The following CD34 variants were observed in gnomAD, a reference collection of about 807,000 sequenced individuals.
CD34 encodes the protein hematopoietic progenitor cell antigen CD34.
A neutral mutation model predicts 40.1 loss-of-function variants in CD34; 34 were observed. The ratio of observed to expected loss-of-function variants is 0.85; its 90% CI spans 0.65 to 1.13. The LOEUF is 1.13. Among genes scored for constraint, CD34 ranks in the 50% most tolerant of loss-of-function variants. CD34 has a pLI of 0.00. For missense variants in CD34, 426 were observed against 466.9 expected (o/e 0.91, Z 0.81); for synonymous variants, 209 against 190.0 (o/e 1.10, Z -0.82).
At chr1:207,893,396 T>C (rs184224094) in intron 4 of CD34, among the ~76,000 whole-genome samples, 4 of 152,272 alleles carry the variant, frequency 2.6e-5, no homozygotes, top group Admixed American at 2.0e-4. Flanking sequence ...CCCCTTTTAA[T>C]ATAATTTTAT....
chr1:207,898,031 T>TTTATTTA (rs1662186588), intron 3 of CD34, among the ~76,000 whole-genome samples: 3 of 143,378 alleles, frequency 2.1e-5, no homozygotes, highest in Admixed American at 6.9e-5. Flanking sequence ...ATTTTGGCTC[T>TTTATTTA]TTTATTTATT....
At position 207,903,417 on chromosome 1, in the gene CD34, G is replaced by A. The variant is rs112799180; in HGVS notation, c.80-3414C>T. On this transcript the variant is annotated intron_variant, in intron 1 of 7. Coordinates refer to ENST00000310833, the MANE Select transcript of CD34 (RefSeq NM_001025109.2). ...CTTTTTCATTCTAGATGGGAGGAAC[G>A]GTCCCTACCCACAAGGCTACAAGAA... 6.4e-4 allele frequency among the ~76,000 whole-genome samples: 97 copies of A among 152,180 alleles called. 1 individual carries two copies. Among genetic ancestry groups the A allele is most frequent in the African/African-American group, 1.9e-3 (80 of 41,520 alleles).
At chr1:207,889,781 A>G (rs1055650920) in intron 4 of CD34, 160 bp from the exon 5 acceptor site, 1 of 1,582,484 alleles carries the variant, frequency 6.3e-7, no homozygotes, top group South Asian at 1.2e-5. Flanking sequence ...CTAACTGTAT[A>G]TGTGCAACAA....
At chr1:207,902,704 C>A (rs1662297445) in intron 1 of CD34, among the ~76,000 whole-genome samples, 1 of 152,220 alleles carries the variant, frequency 6.6e-6, no homozygotes, top group African/African-American at 2.4e-5. Flanking sequence ...TGATGTCATG[C>A]TTTTGAATCC....
At chr1:207,908,539 G>C (rs907786493) in intron 1 of CD34, among the ~76,000 whole-genome samples, 11 of 152,220 alleles carry the variant, frequency 7.2e-5, no homozygotes, top group Admixed American at 3.3e-4. Context: ...TGGGTGTGGG[G>C]TCAGCAGGCA....
At position 207,884,617 on chromosome 1, in the gene CD34, G is replaced by A. The variant is rs1661863383; in HGVS notation, c.*3121C>T. ...AAGTGTGGGATTAATCTACCTAGAA[G>A]GGATGAGATGGAAGTGATCTATTTA... On this transcript the variant is annotated 3_prime_UTR_variant, in exon 8 of 8. Coordinates refer to ENST00000310833, the MANE Select transcript of CD34 (RefSeq NM_001025109.2). The A allele has an allele frequency of 6.6e-6, 1 of 152,232 alleles. No individual in the cohort carries two copies. Among genetic ancestry groups the A allele is most frequent in the Admixed American group, 6.5e-5 (1 of 15,286 alleles). 9.4% of individuals were successfully genotyped at this position (152,232 alleles called of 1,614,324 possible).
intron 1 of CD34, among the ~76,000 whole-genome samples, chr1:207,909,699 G>A (rs191940393): frequency 1.3e-5 from 2 of 152,328 alleles, no homozygotes; most frequent in East Asian, 1.9e-4. Context: ...GAGCCACTGC[G>A]CCCGGCCGAC....
In CD34 at chr1:207,882,082, A is replaced by T. The variant is rs998973798; in HGVS notation, c.*5656T>A. 6.6e-6 allele frequency: 1 copy of T among 152,220 alleles called. No individual in the cohort carries two copies. The highest frequency in any genetic ancestry group is 2.4e-5 in the African/African-American group (1 of 41,440). 9.4% of individuals were successfully genotyped at this position (152,220 alleles called of 1,614,324 possible). On this transcript the variant is annotated 3_prime_UTR_variant, in exon 8 of 8. Transcript: ENST00000310833. The stretch of plus-strand genomic sequence containing the variant: ...GTTCCAGACAAGATGGAGTGGACAC[A>T]CTTTTTCTTATGCCTCCTGTTAACT...
chr1:207,883,733 C>T lies in CD34; in HGVS notation c.*4005G>A, dbSNP rs1192419587. 1 of 152,186 alleles carries T rather than the reference C, an allele frequency of 6.6e-6. No individual in the cohort carries two copies. The highest frequency in any genetic ancestry group is 2.4e-5 in the African/African-American group (1 of 41,444). The allele number at this position is 152,186 out of a possible 1,614,324, so 9.4% of individuals were successfully genotyped here. Reference sequence around the variant, plus strand: ...GCACTCAAAAACTGTTAGCTACTATCATTGTAAATATGATTATTATTTGAA... The same window carrying T: ...GCACTCAAAAACTGTTAGCTACTATTATTGTAAATATGATTATTATTTGAA... On this transcript the variant is annotated 3_prime_UTR_variant, in exon 8 of 8. Transcript: ENST00000310833.
intron 1 of CD34, among the ~76,000 whole-genome samples, chr1:207,903,896 G>T (rs1206527118): frequency 6.6e-6 from 1 of 152,114 alleles, no homozygotes; most frequent in Non-Finnish European, 1.5e-5. Context: ...GAGTGAATAG[G>T]TTAGATATCT....
chr1:207,910,461 C>T (rs1240140383), intron 1 of CD34, among the ~76,000 whole-genome samples: 1 of 152,106 alleles, frequency 6.6e-6, no homozygotes, highest in Non-Finnish European at 1.5e-5. Flanking sequence ...ACTGTTCATT[C>T]CGAACACCCC....
intron 6 of CD34, 147 bp from the exon 7 acceptor site, chr1:207,888,993 G>A (rs550884070): frequency 1.5e-5 from 14 of 939,920 alleles, no homozygotes; most frequent in East Asian, 2.4e-5. Flanking sequence ...TGAGACTGAC[G>A]TCTCTTAATT....
At chr1:207,890,323 T>C in intron 4 of CD34, 1 of 749,112 alleles carries the variant, frequency 1.3e-6, no homozygotes, top group Non-Finnish European at 1.6e-6. Flanking sequence ...TCCAGCAGCC[T>C]CCAATCAGAG....
intron 7 of CD34, 63 bp downstream of exon 7, chr1:207,888,619 C>T: frequency 2.0e-6 from 3 of 1,518,650 alleles, no homozygotes; most frequent in South Asian, 2.3e-5. Flanking sequence ...CCATGACATC[C>T]ACTGAACTCC....
intron 1 of CD34, among the ~76,000 whole-genome samples, chr1:207,903,514 G>A (rs1462941173): frequency 6.6e-6 from 1 of 152,198 alleles, no homozygotes; most frequent in African/African-American, 2.4e-5. Flanking sequence ...CTTATTAACT[G>A]TGTTTCCCTA....
chr1:207,897,384 G>A (rs948345129), intron 4 of CD34, 109 bp downstream of exon 4: 20 of 804,128 alleles, frequency 2.5e-5, no homozygotes, highest in African/African-American at 1.2e-4. Context: ...TAAACTCCCC[G>A]GACCCCTACT....
At chr1:207,901,300 A>T (rs1210632331) in intron 1 of CD34, among the ~76,000 whole-genome samples, 1 of 152,184 alleles carries the variant, frequency 6.6e-6, no homozygotes, top group Non-Finnish European at 1.5e-5. Flanking sequence ...TACTGTGGGG[A>T]CCAGAAGTCC....
chr1:207,889,811 A>C, intron 4 of CD34, 190 bp from the exon 5 acceptor site: 1 of 1,578,776 alleles, frequency 6.3e-7, no homozygotes, highest in South Asian at 1.2e-5. Context: ...AAAAAAACCT[A>C]AATAATCTCC....
At chr1:207,903,061 T>C (rs1662308315) in intron 1 of CD34, among the ~76,000 whole-genome samples, 1 of 152,156 alleles carries the variant, frequency 6.6e-6, no homozygotes, top group South Asian at 2.1e-4. Context: ...ACTGAGTGAC[T>C]GGAAATGCCT....
Sources: gnomAD v4.1 joint callset for allele counts (sites outside exome capture counted in the v4.1 genomes callset) on GRCh38, gnomAD v4.1.1 for gene constraint, MANE v1.5 for transcripts, NCBI Gene and HGNC (gene_info 2026-07-23, HGNC 2026-07-21) for gene names.